The following UNKL variants were observed in gnomAD, a reference collection of about 807,000 sequenced individuals.
UNKL encodes the protein unk like zinc finger, also known as putative E3 ubiquitin-protein ligase UNKL.
A neutral mutation model predicts 78.0 loss-of-function variants in UNKL; 60 were observed. The observed-to-expected ratio is 0.77, with a 90% CI of 0.63 to 0.95. The LOEUF is 0.95. Among genes scored for constraint, UNKL ranks in the 40% least tolerant of loss-of-function variants. The pLI is 0.00. For missense variants in UNKL, 1,159 were observed against 1,045.7 expected, an observed-to-expected ratio of 1.11 and a Z score of -1.49; for synonymous variants, 608 against 474.8, an observed-to-expected ratio of 1.28 and a Z score of -3.65.
intron 13 of UNKL, 139 bp downstream of exon 13, chr16:1,367,506 CTCCCTCCCCCT>C (rs1424856510): frequency 2.0e-6 from 1 of 500,938 alleles, no homozygotes; most frequent in Non-Finnish European, 3.1e-6. Flanking sequence ...CCCTCCCTCC[CTCCCTCCCCCT>C]CCCGTCTCAC....
At chr16:1,385,175 G>T in intron 10 of UNKL, 33 bp downstream of exon 10, 1 of 1,243,574 alleles carries the variant, frequency 8.0e-7, no homozygotes, top group Non-Finnish European at 1.0e-6. Flanking sequence ...ACAGAAGGAG[G>T]TCAGGGAGAA....
At chr16:1,390,589 C>G in intron 9 of UNKL, 43 bp downstream of exon 9, 2 of 1,533,068 alleles carry the variant, frequency 1.3e-6, no homozygotes, top group Non-Finnish European at 1.7e-6. Context: ...TCAGCCCTAA[C>G]GCGACATCAG....
rs767323660 is a variant in UNKL at position 1,366,270 on chromosome 16, G to T, written c.2172C>A (p.Pro724=). The change falls in exon 15 of 15, where the codon CCC becomes CCA. Residue 724 remains proline (P), a synonymous_variant. Transcript: ENST00000389221. ...EPCAATAPEC[P]YCKGQPLQW ...ACTGCAGGGGCTGGCCCTTGCAGTA[G>T]GGGCACTCAGGTGCGGTGGCCGCAC... The T allele has an allele frequency of 3.8e-6, 6 of 1,589,298 alleles. No homozygotes were observed. The highest frequency in any genetic ancestry group is 5.1e-6 in the Non-Finnish European group (6 of 1,169,312).
At chr16:1,398,477 G>A in intron 5 of UNKL, 2 of 1,205,826 alleles carry the variant, frequency 1.7e-6, no homozygotes, top group Non-Finnish European at 2.1e-6. Flanking sequence ...GCTGCTCAGA[G>A]GGAGACTGAA....
rs2037409856 is a variant in UNKL at position 1,399,308 on chromosome 16, G to A, written c.734+66C>T. On this transcript the variant is annotated intron_variant, in intron 5 of 14. Transcript: ENST00000389221. This position sits in a 1 kb window ranked among gnomAD's most constrained non-coding sequence, Gnocchi z 5.8. ...CCATTAGAACCCCGGGGTGGGCAACGCGAGCCACGGGCCGGGAAGGACGCC... is the reference window on the plus strand; with the variant it reads ...CCATTAGAACCCCGGGGTGGGCAACACGAGCCACGGGCCGGGAAGGACGCC... The A allele has an allele frequency of 9.6e-6, 14 of 1,462,734 alleles. No homozygotes were observed. Among genetic ancestry groups the A allele is most frequent in the Admixed American group, 5.2e-5 (2 of 38,822 alleles). The allele number at this position is 1,462,734 out of a possible 1,614,324, so 90.6% of individuals were successfully genotyped here. A position where few individuals can be genotyped will look rare whatever the true frequency, so the allele number is the denominator to read the frequency against.
chr16:1,395,347 T>C (rs2037216254), intron 6 of UNKL, among the ~76,000 whole-genome samples: 2 of 151,290 alleles, frequency 1.3e-5, no homozygotes, highest in Non-Finnish European at 2.9e-5. Context: ...TTTGTATTTT[T>C]AGTAGAGACG....
intron 9 of UNKL, among the ~76,000 whole-genome samples, chr16:1,390,427 AACAG>A (rs1350552524): frequency 6.6e-6 from 1 of 152,218 alleles, no homozygotes; most frequent in Non-Finnish European, 1.5e-5. Flanking sequence ...GAACGTTTCA[AACAG>A]ACAAACACGG....
At position 1,387,884 on chromosome 16, in the gene UNKL, C is replaced by T. The variant is rs552432816; in HGVS notation, c.1087-2499G>A. ...TCCGTGCTCTGGGGCACGGTCCCTACACACAAGCTGCCCCTGCTCAGTCAG... is the reference window on the plus strand; with the variant it reads ...TCCGTGCTCTGGGGCACGGTCCCTATACACAAGCTGCCCCTGCTCAGTCAG... On this transcript the variant is annotated intron_variant, in intron 9 of 14. Transcript: ENST00000389221. This position sits in a 1 kb window ranked among gnomAD's most constrained non-coding sequence, Gnocchi z 4.1. 6.6e-6 allele frequency among the ~76,000 whole-genome samples: 1 copy of T among 151,886 alleles called. No individual in the cohort carries two copies. The highest frequency in any genetic ancestry group is 2.4e-5 in the African/African-American group (1 of 41,428).
chr16:1,414,502 C>T, intron 1 of UNKL, 113 bp downstream of exon 1: 1 of 219,270 alleles, frequency 4.6e-6, no homozygotes, highest in South Asian at 1.5e-4. Flanking sequence ...CCAGCCCAGG[C>T]GCTGCGCGGA....
At chr16:1,369,576 T>C (rs1259997744) in intron 12 of UNKL, among the ~76,000 whole-genome samples, 1 of 151,990 alleles carries the variant, frequency 6.6e-6, no homozygotes, top group African/African-American at 2.4e-5. Context: ...TCCATGTTGG[T>C]CAGGCTGGTC....
In UNKL at chr16:1,363,574, C is replaced by T. The variant is rs1003633771; in HGVS notation, c.*2666G>A. 4.5e-6 allele frequency: 1 copy of T among 222,290 alleles called. No individual in the cohort carries two copies. Among genetic ancestry groups the T allele is most frequent in the African/African-American group, 2.3e-5 (1 of 42,822 alleles). The allele number at this position is 222,290 out of a possible 1,614,324, so 13.8% of individuals were successfully genotyped here. The stretch of plus-strand genomic sequence containing the variant: ...ACATGCAGAGCCGGCCGCCAGCCAG[C>T]TCCTACGCCCCGTGCCCGCCATGGC... On this transcript the variant is annotated 3_prime_UTR_variant, in exon 15 of 15. Transcript: ENST00000389221.
intron 2 of UNKL, among the ~76,000 whole-genome samples, chr16:1,406,659 T>G (rs1237156004): frequency 6.6e-6 from 1 of 152,128 alleles, no homozygotes; most frequent in Non-Finnish European, 1.5e-5. Flanking sequence ...TTTTAAAGAC[T>G]GCTCGCACGT....
intron 2 of UNKL, among the ~76,000 whole-genome samples, chr16:1,407,090 A>G (rs1275194804): frequency 6.6e-6 from 1 of 151,548 alleles, no homozygotes; most frequent in African/African-American, 2.4e-5. Context: ...TGGATGCTGC[A>G]GTGAGCCGAG....
At position 1,366,264 on chromosome 16, in the gene UNKL, G is replaced by C; in HGVS notation, c.2178C>G (p.Cys726Trp). 6.3e-7 allele frequency: 1 copy of C among 1,585,630 alleles called. No homozygotes were observed. Among genetic ancestry groups the C allele is most frequent in the Non-Finnish European group, 8.6e-7 (1 of 1,166,986 alleles). Reference protein sequence around the residue: ...CAATAPECPYCKGQPLQW With the variant: ...CAATAPECPYWKGQPLQW ...GTCACCACTGCAGGGGCTGGCCCTT[G>C]CAGTAGGGGCACTCAGGTGCGGTGG... Residue 726 changes from cysteine (C) to tryptophan (W), a missense_variant, in exon 15 of 15, where the codon TGC becomes TGG. Transcript: ENST00000389221.
intron 2 of UNKL, among the ~76,000 whole-genome samples, chr16:1,404,128 G>T (rs1050287555): frequency 6.9e-6 from 1 of 145,508 alleles, no homozygotes. Context: ...AGGAGGCAAA[G>T]GGACGCACAG....
At position 1,366,120 on chromosome 16, in the gene UNKL, G is replaced by GTGT. The variant is rs2035230750; in HGVS notation, c.*119_*120insACA. 1.6e-6 allele frequency: 2 copies of GTGT among 1,245,622 alleles called. No individual in the cohort carries two copies. The allele number at this position is 1,245,622 out of a possible 1,614,324, so 77.2% of individuals were successfully genotyped here. ...CCAGCCTCATGATAACGTGTAACAG[G>GTGT]AAGGGCTCCCAGCCTCGGTCCTCAC... On this transcript the variant is annotated 3_prime_UTR_variant, in exon 15 of 15. Coordinates refer to ENST00000389221, the MANE Select transcript of UNKL (RefSeq NM_001372107.1).
At chr16:1,400,891 G>A (rs184108894) in intron 4 of UNKL, among the ~76,000 whole-genome samples, 48 of 152,268 alleles carry the variant, frequency 3.2e-4, no homozygotes, top group African/African-American at 1.1e-3. Flanking sequence ...GTTTCACCAT[G>A]TTGGCCAGGC....
In UNKL at chr16:1,394,201, T is replaced by C; in HGVS notation, c.867A>G (p.Thr289=). The C allele has an allele frequency of 4.5e-6, 7 of 1,550,698 alleles. No homozygotes were observed. The highest frequency in any genetic ancestry group is 6.1e-6 in the Non-Finnish European group (7 of 1,147,014). Reference sequence around the variant, plus strand: ...CGGTTTGGCGCATGTCGTTGCATTTTGTAGATTTGTAGATCTGGGGAAAAA... The same window carrying C: ...CGGTTTGGCGCATGTCGTTGCATTTCGTAGATTTGTAGATCTGGGGAAAAA... The part of the protein sequence containing the change: ...QQFHPEIYKS[T]KCNDMRQTGY... The change falls in exon 7 of 15, where the codon ACA becomes ACG. Residue 289 remains threonine, a synonymous_variant. Coordinates refer to ENST00000389221, the MANE Select transcript of UNKL (RefSeq NM_001372107.1).
At chr16:1,407,786 G>A (rs73490031) in intron 2 of UNKL, among the ~76,000 whole-genome samples, 1 of 152,064 alleles carries the variant, frequency 6.6e-6, no homozygotes, top group African/African-American at 2.4e-5. Flanking sequence ...TTCTGAGAAC[G>A]AGACCCAGGG....
Sources: gnomAD v4.1 joint callset for allele counts (sites outside exome capture counted in the v4.1 genomes callset) on GRCh38, gnomAD v4.1.1 for gene constraint, Gnocchi (gnomAD v3.1) non-coding constraint, MANE v1.5 for transcripts, NCBI Gene and HGNC (gene_info 2026-07-23, HGNC 2026-07-21) for gene names.